RBFOX1: variants seen among roughly 807,000 people sequenced by gnomAD.
The protein encoded by RBFOX1 is RNA binding protein fox-1 homolog 1.
RBFOX1 carries 8 observed loss-of-function variants against 57.7 expected under a neutral mutation model. The ratio of observed to expected loss-of-function variants is 0.14; its 90% CI spans 0.08 to 0.25. The LOEUF (loss-of-function observed/expected upper bound fraction) is 0.25, where lower values mean the gene tolerates loss of function less well. RBFOX1 is among the 10% of genes least tolerant of loss of function. The probability of loss-of-function intolerance (pLI) is 1.00; values close to 1 mark genes in which losing one functional copy is unlikely to be tolerated. For synonymous variants in RBFOX1, 326 were observed against 222.4 expected, an observed-to-expected ratio of 1.47 and a Z score of -4.15; for missense variants, 611 against 548.5, an observed-to-expected ratio of 1.11 and a Z score of -1.14.
At chr16:6,757,519 C>G (rs905969572) in intron 3 of RBFOX1, among the ~76,000 whole-genome samples, 1 of 152,042 alleles carries the variant, frequency 6.6e-6, no homozygotes, top group Non-Finnish European at 1.5e-5. Context: ...GGAGGGAGGT[C>G]ATTATGTTAA....
intron 3 of RBFOX1, among the ~76,000 whole-genome samples, chr16:6,814,904 T>C (rs909932514): frequency 6.6e-6 from 1 of 152,074 alleles, no homozygotes; most frequent in African/African-American, 2.4e-5. Flanking sequence ...GGCGAGTCCA[T>C]AGAGTAAAAT....
At chr16:7,293,188 C>G (rs1001531509) in intron 4 of RBFOX1, among the ~76,000 whole-genome samples, 1 of 152,114 alleles carries the variant, frequency 6.6e-6, no homozygotes, top group Non-Finnish European at 1.5e-5. Context: ...TGTGTCTGTG[C>G]TAAACATGTG....
chr16:7,249,946 TTC>T (rs2153013498), intron 4 of RBFOX1, among the ~76,000 whole-genome samples: 1 of 152,358 alleles, frequency 6.6e-6, no homozygotes, highest in Non-Finnish European at 1.5e-5. Context: ...AAGAGACTCT[TTC>T]TCTAAATCTC....
intron 14 of RBFOX1, among the ~76,000 whole-genome samples, chr16:7,694,106 C>T (rs749132983): frequency 1.3e-5 from 2 of 152,090 alleles, no homozygotes; most frequent in African/African-American, 4.8e-5. Flanking sequence ...TAGGTGAATG[C>T]CTTAACACTA....
chr16:5,363,540 C>G (rs1302218962), intron 1 of RBFOX1, among the ~76,000 whole-genome samples: 1 of 152,206 alleles, frequency 6.6e-6, no homozygotes, highest in Non-Finnish European at 1.5e-5. Context: ...CTCTCTGCAA[C>G]AAGCTTTCTT....
At chr16:5,466,220 C>T (rs533312323) in intron 1 of RBFOX1, among the ~76,000 whole-genome samples, 18 of 152,292 alleles carry the variant, frequency 1.2e-4, no homozygotes, top group African/African-American at 3.4e-4. Flanking sequence ...GTGCTGGGCT[C>T]GGGGCAGGCT....
At chr16:6,475,744 A>G (rs116427815) in intron 2 of RBFOX1, among the ~76,000 whole-genome samples, 1 of 152,118 alleles carries the variant, frequency 6.6e-6, no homozygotes, top group Non-Finnish European at 1.5e-5. Flanking sequence ...TTATTTTTTT[A>G]GGTGGAGCTT....
chr16:7,041,968 A>C (rs1273523404), intron 3 of RBFOX1, among the ~76,000 whole-genome samples: 2 of 152,194 alleles, frequency 1.3e-5, no homozygotes, highest in Non-Finnish European at 2.9e-5. Context: ...TAATATGGCT[A>C]ACGTTACTTA....
intron 4 of RBFOX1, among the ~76,000 whole-genome samples, chr16:7,128,963 G>GGCAC (rs1429735288): frequency 2.0e-5 from 3 of 151,788 alleles, no homozygotes; most frequent in African/African-American, 7.3e-5. Flanking sequence ...TGGGACTACA[G>GGCAC]GTGCATGACA....
At chr16:7,690,242 T>C (rs1203556697) in intron 14 of RBFOX1, among the ~76,000 whole-genome samples, 2 of 152,062 alleles carry the variant, frequency 1.3e-5, no homozygotes, top group Non-Finnish European at 2.9e-5. Flanking sequence ...TTAACCTCTA[T>C]GAATCTAAGG....
intron 4 of RBFOX1, among the ~76,000 whole-genome samples, chr16:7,154,696 TGTGTGTG>T (rs1567484963): frequency 7.2e-5 from 5 of 68,996 alleles, no homozygotes; most frequent in African/African-American, 1.0e-4. Flanking sequence ...TGTGTGTGTG[TGTGTGTG>T]TGTGTGTGTG....
At chr16:7,261,796 C>G (rs1034224740) in intron 4 of RBFOX1, among the ~76,000 whole-genome samples, 1 of 152,170 alleles carries the variant, frequency 6.6e-6, no homozygotes, top group Admixed American at 6.5e-5. Flanking sequence ...TAAGAATCCC[C>G]TGGAGAGCTT....
chr16:7,602,070 C>A (rs147022574), intron 9 of RBFOX1, among the ~76,000 whole-genome samples: 1 of 152,166 alleles, frequency 6.6e-6, no homozygotes, highest in African/African-American at 2.4e-5. Context: ...AGGGTGCTCT[C>A]TGGAATGCGT....
chr16:6,806,682 G>T (rs7194807), intron 3 of RBFOX1, among the ~76,000 whole-genome samples: 82,387 of 150,024 alleles, frequency 0.55, 22,990 homozygotes, highest in African/African-American at 0.6. Context: ...TGATAATATT[G>T]ATATTAATGA....
At chr16:7,708,950 G>T in intron 14 of RBFOX1, 106 bp from the exon 15 acceptor site, 4 of 995,146 alleles carry the variant, frequency 4.0e-6, no homozygotes, top group Non-Finnish European at 6.3e-6. Flanking sequence ...CTCACTGGAA[G>T]ATGAGTAGGG....
intron 4 of RBFOX1, among the ~76,000 whole-genome samples, chr16:7,178,870 G>A (rs2082159084): frequency 6.6e-6 from 1 of 152,056 alleles, no homozygotes; most frequent in South Asian, 2.1e-4. Flanking sequence ...TTTACTTCCT[G>A]TACTGATCCA....
At chr16:6,587,002 C>A (rs373369575) in intron 2 of RBFOX1, among the ~76,000 whole-genome samples, 19 of 151,338 alleles carry the variant, frequency 1.3e-4, no homozygotes, top group African/African-American at 3.6e-4. Flanking sequence ...CATTACTTCC[C>A]CTGTTTATTG....
chr16:7,366,053 C>A (rs142498788), intron 4 of RBFOX1, among the ~76,000 whole-genome samples: 1 of 152,092 alleles, frequency 6.6e-6, no homozygotes, highest in Non-Finnish European at 1.5e-5. Flanking sequence ...ATTGGCCTGG[C>A]GGAGGTCCAG....
chr16:5,263,233 C>T (rs2062778853), intron 1 of RBFOX1, among the ~76,000 whole-genome samples: 1 of 152,048 alleles, frequency 6.6e-6, no homozygotes, highest in Non-Finnish European at 1.5e-5. Flanking sequence ...TGAGATGACT[C>T]AGGGACAAAG....
Sources: gnomAD v4.1 joint callset for allele counts (sites outside exome capture counted in the v4.1 genomes callset) on GRCh38, gnomAD v4.1.1 for gene constraint, MANE v1.5 for transcripts, NCBI Gene and HGNC (gene_info 2026-07-23, HGNC 2026-07-21) for gene names.